Variants in SFI1 observed in about 807,000 individuals in gnomAD.
The protein encoded by SFI1 is protein SFI1 homolog.
SFI1 carries 195 observed loss-of-function variants against 207.5 expected under a neutral mutation model. That is an observed-to-expected ratio of 0.94 (90% confidence interval 0.84 to 1.06). SFI1 has a LOEUF of 1.06. Ranked by LOEUF, SFI1 falls within the 50% of genes least tolerant of loss-of-function variation. The probability of loss-of-function intolerance (pLI) is 0.00; values close to 1 mark genes in which losing one functional copy is unlikely to be tolerated. For missense variants in SFI1, 1,634 were observed against 1,588.0 expected (o/e 1.03, Z -0.49); for synonymous variants, 630 against 598.9 (o/e 1.05, Z -0.76).
intron 8 of SFI1, among the ~76,000 whole-genome samples, chr22:31,563,891 C>T (rs1055942604): frequency 1.3e-5 from 2 of 151,764 alleles, no homozygotes; most frequent in Non-Finnish European, 2.9e-5. Flanking sequence ...CCAGCCTACA[C>T]GTCTTAATCT....
chr22:31,503,022 TGCA>T (rs1251628055), intron 1 of SFI1, among the ~76,000 whole-genome samples: 9 of 129,914 alleles, frequency 6.9e-5, no homozygotes, highest in Admixed American at 9.5e-5. Flanking sequence ...GCCACTGCAC[TGCA>T]GCCTGGGCAA....
In SFI1 at chr22:31,575,752, C is replaced by T. The variant is rs1055354785; in HGVS notation, c.1084+360C>T. ...TTGGTGTTACAATTTAAGTGCTTTT[C>T]TCTACCCACTAGGTGGTGGAAATAG... On this transcript the variant is annotated intron_variant, in intron 10 of 32. Coordinates refer to ENST00000400288, the MANE Select transcript of SFI1 (RefSeq NM_001007467.3). Among the ~76,000 whole-genome samples, 11 of 152,164 alleles carry T rather than the reference C, an allele frequency of 7.2e-5. 1 individual carries two copies. Among genetic ancestry groups the T allele is most frequent in the African/African-American group, 2.7e-4 (11 of 41,434 alleles).
rs530439630 is a variant in SFI1, at chr22:31,503,004, G to A, written c.-30-5251G>A. ...CAGGAGGCAGAGTTTGCAGTGAGCC[G>A]AGATTGAGCCACTGCACTGCAGCCT... On this transcript the variant is annotated intron_variant, in intron 1 of 32. Coordinates refer to ENST00000400288, the MANE Select transcript of SFI1 (RefSeq NM_001007467.3). Among the ~76,000 whole-genome samples the A allele has an allele frequency of 1.5e-3, 201 of 137,706 alleles. 1 individual carries two copies. Among genetic ancestry groups the A allele is most frequent in the African/African-American group, 5.3e-3 (191 of 35,996 alleles). 90.3% of individuals were successfully genotyped at this position (137,706 alleles called of 152,430 possible). A position where few individuals can be genotyped will look rare whatever the true frequency, so the allele number is the denominator to read the frequency against.
chr22:31,532,156 A>G (rs1004443570), intron 4 of SFI1, among the ~76,000 whole-genome samples: 4 of 152,224 alleles, frequency 2.6e-5, no homozygotes, highest in African/African-American at 9.6e-5. Context: ...TGTTTGCCCA[A>G]GAGAAGTAAT....
chr22:31,594,003 GGAC>G (rs1569421866), intron 15 of SFI1, among the ~76,000 whole-genome samples: 1,342 of 87,456 alleles, frequency 0.015, 12 homozygotes, highest in Middle Eastern at 0.034. Flanking sequence ...AGAGGGAGAG[GGAC>G]AGGGAGAGGG....
At chr22:31,578,520 C>G (rs2063759312) in intron 11 of SFI1, 68 bp downstream of exon 11, 3 of 1,456,902 alleles carry the variant, frequency 2.1e-6, no homozygotes, top group South Asian at 2.5e-5. Flanking sequence ...CTTGGGGGAC[C>G]CTGACCCCTA....
intron 4 of SFI1, among the ~76,000 whole-genome samples, chr22:31,544,618 A>C (rs2059904856): frequency 6.6e-6 from 1 of 152,042 alleles, no homozygotes; most frequent in Admixed American, 6.6e-5. Context: ...CAGGCATAGT[A>C]GTGGAGCATG....
intron 7 of SFI1, 118 bp downstream of exon 7, chr22:31,557,177 T>A: frequency 1.5e-6 from 1 of 684,372 alleles, no homozygotes; most frequent in South Asian, 2.4e-5. Flanking sequence ...TTGGTTTTAT[T>A]TTTGTGTTTT....
intron 4 of SFI1, among the ~76,000 whole-genome samples, chr22:31,541,057 T>G (rs973508120): frequency 1.3e-5 from 2 of 151,886 alleles, no homozygotes; most frequent in Non-Finnish European, 2.9e-5. Context: ...TGAATATGAG[T>G]GAATAATGGG....
At chr22:31,576,225 A>G (rs2063478145) in intron 10 of SFI1, among the ~76,000 whole-genome samples, 2 of 151,818 alleles carry the variant, frequency 1.3e-5, no homozygotes, top group African/African-American at 4.8e-5. Flanking sequence ...GGGTTTCGCC[A>G]TGTTGGCCAG....
chr22:31,582,242 T>TTA (rs2064402380), intron 12 of SFI1, among the ~76,000 whole-genome samples: 1 of 40,078 alleles, frequency 2.5e-5, no homozygotes, highest in African/African-American at 9.8e-5. Flanking sequence ...ATATATTTTT[T>TTA]TTTTTTTTTT....
At chr22:31,531,681 A>G (rs532416977) in intron 4 of SFI1, among the ~76,000 whole-genome samples, 17 of 152,042 alleles carry the variant, frequency 1.1e-4, no homozygotes, top group African/African-American at 4.1e-4. Flanking sequence ...GTCACCTGAC[A>G]TCGGGAGTTT....
chr22:31,572,545 A>C (rs892039875), intron 8 of SFI1, among the ~76,000 whole-genome samples: 1 of 152,036 alleles, frequency 6.6e-6, no homozygotes, highest in African/African-American at 2.4e-5. Flanking sequence ...CTTGTCGCCC[A>C]GGCTGGAGTG....
intron 4 of SFI1, chr22:31,538,576 A>G (rs907679453): frequency 7.8e-5 from 12 of 153,548 alleles, no homozygotes; most frequent in Non-Finnish European, 8.7e-5. Context: ...CTGTGTTTCA[A>G]ATGATGAATT....
chr22:31,593,207 C>T (rs2066411522), intron 15 of SFI1, among the ~76,000 whole-genome samples: 1 of 151,350 alleles, frequency 6.6e-6, no homozygotes, highest in Non-Finnish European at 1.5e-5. Context: ...GATGGGGCGG[C>T]TGCCGGGCGG....
chr22:31,615,234 G>A lies in SFI1; in HGVS notation c.3255G>A (p.Leu1085=). The A allele has an allele frequency of 6.5e-7, 1 of 1,537,144 alleles. No individual in the cohort carries two copies. Among genetic ancestry groups the A allele is most frequent in the African/African-American group, 1.4e-5 (1 of 72,334 alleles). Residue 1085 remains leucine, a synonymous_variant, in exon 29 of 33, where the codon CTG becomes CTA. Transcript: ENST00000400288. ...TASTGPELLL[L]PLSSFMPCGA... ...GCACAGGCCCGGAGCTGCTGCTGCT[G>A]CCTCTTTCCTCCTTCATGCCCTGCG...
chr22:31,537,976 T>C (rs1363227460), intron 4 of SFI1, among the ~76,000 whole-genome samples: 5 of 152,146 alleles, frequency 3.3e-5, no homozygotes, highest in Admixed American at 6.5e-5. Flanking sequence ...TTTTTGTTTG[T>C]TTGTTTGTTT....
chr22:31,540,583 A>ATT (rs755660066), intron 4 of SFI1, among the ~76,000 whole-genome samples: 1 of 132,306 alleles, frequency 7.6e-6, no homozygotes, highest in Non-Finnish European at 1.6e-5. Context: ...CCCAGCCTAC[A>ATT]TTTTTTTTTT....
At chr22:31,600,764 C>T (rs1032473062) in intron 15 of SFI1, among the ~76,000 whole-genome samples, 31 of 151,758 alleles carry the variant, frequency 2.0e-4, no homozygotes, top group Admixed American at 7.9e-4. Context: ...TCACCTCGCC[C>T]GTGTCCTATC....
Sources: gnomAD v4.1 joint callset for allele counts (sites outside exome capture counted in the v4.1 genomes callset) on GRCh38, gnomAD v4.1.1 for gene constraint, MANE v1.5 for transcripts, NCBI Gene and HGNC (gene_info 2026-07-23, HGNC 2026-07-21) for gene names.